SH3RF3: variants seen among roughly 807,000 people sequenced by gnomAD.
SH3RF3 encodes E3 ubiquitin-protein ligase SH3RF3.
In SH3RF3, 29 loss-of-function variants were observed where a neutral mutation model predicts 66.3. That is an observed-to-expected ratio of 0.44 (90% CI 0.33 to 0.60). SH3RF3 has a LOEUF of 0.60. Among genes scored for constraint, SH3RF3 ranks in the 20% least tolerant of loss-of-function variants. The pLI, the probability that SH3RF3 is intolerant of heterozygous loss-of-function variation, is 0.04. For missense variants in SH3RF3, 1,194 were observed against 1,190.9 expected (o/e 1.00, Z -0.04); for synonymous variants, 583 against 532.0 (o/e 1.10, Z -1.32).
intron 3 of SH3RF3, among the ~76,000 whole-genome samples, chr2:109,392,358 G>C (rs1056888944): frequency 6.6e-6 from 1 of 152,182 alleles, no homozygotes; most frequent in Non-Finnish European, 1.5e-5. Context: ...GTGTAACTTG[G>C]AACAGGTCAC....
At chr2:109,462,257 T>G (rs1008558341) in intron 8 of SH3RF3, among the ~76,000 whole-genome samples, 5 of 151,178 alleles carry the variant, frequency 3.3e-5, no homozygotes, top group African/African-American at 1.2e-4. Context: ...AGTTGGAGAA[T>G]TGATCTACCC....
chr2:109,424,384 G>C (rs1322837595), intron 5 of SH3RF3, among the ~76,000 whole-genome samples: 1 of 152,228 alleles, frequency 6.6e-6, no homozygotes, highest in African/African-American at 2.4e-5. Flanking sequence ...CCTGGACCCT[G>C]TCCAGTGGTG....
At chr2:109,476,793 G>GT (rs576014129) in intron 8 of SH3RF3, among the ~76,000 whole-genome samples, 102 of 152,252 alleles carry the variant, frequency 6.7e-4, no homozygotes, top group African/African-American at 2.4e-3. Flanking sequence ...CTTTTTTATG[G>GT]TTGTTTCTTG....
At chr2:109,271,894 A>G (rs966648317) in intron 1 of SH3RF3, among the ~76,000 whole-genome samples, 1 of 152,250 alleles carries the variant, frequency 6.6e-6, no homozygotes, top group Admixed American at 6.5e-5. Context: ...CAGAATTGAG[A>G]TTCTAACCGC....
chr2:109,245,320 TC>T (rs1459657326), intron 1 of SH3RF3, among the ~76,000 whole-genome samples: 1 of 152,044 alleles, frequency 6.6e-6, no homozygotes, highest in Non-Finnish European at 1.5e-5. Context: ...CTGTGGTCAT[TC>T]CCTCTGTCCC....
intron 1 of SH3RF3, among the ~76,000 whole-genome samples, chr2:109,170,311 T>TCTCTC (rs796233917): frequency 7.8e-4 from 100 of 128,454 alleles, no homozygotes; most frequent in Non-Finnish European, 1.1e-3. Flanking sequence ...TCTCTTCTCT[T>TCTCTC]CTCTCCTCTC....
intron 2 of SH3RF3, among the ~76,000 whole-genome samples, chr2:109,365,122 T>C (rs1683130577): frequency 1.3e-5 from 2 of 152,332 alleles, no homozygotes; most frequent in East Asian, 1.9e-4. Flanking sequence ...TTATCCTGTA[T>C]GTGGATCTTA....
intron 2 of SH3RF3, among the ~76,000 whole-genome samples, chr2:109,360,230 T>C (rs1342790175): frequency 1.3e-5 from 2 of 152,218 alleles, no homozygotes; most frequent in Non-Finnish European, 2.9e-5. Context: ...GTAATTTTTT[T>C]CACTGTATTA....
At chr2:109,363,287 A>C (rs1375562087) in intron 2 of SH3RF3, among the ~76,000 whole-genome samples, 2 of 152,054 alleles carry the variant, frequency 1.3e-5, no homozygotes, top group African/African-American at 4.8e-5. Flanking sequence ...TTTACAATGA[A>C]TTCAAGCCCA....
At chr2:109,221,958 T>C (rs1679254603) in intron 1 of SH3RF3, among the ~76,000 whole-genome samples, 1 of 150,064 alleles carries the variant, frequency 6.7e-6, no homozygotes, top group Non-Finnish European at 1.5e-5. Flanking sequence ...TCAGCCCAAG[T>C]GTCCATCAAC....
intron 1 of SH3RF3, among the ~76,000 whole-genome samples, chr2:109,263,174 C>T (rs954671016): frequency 6.6e-6 from 1 of 152,186 alleles, no homozygotes; most frequent in Non-Finnish European, 1.5e-5. Flanking sequence ...GAGTTAAGAA[C>T]GGCAGAGACA....
At chr2:109,386,099 C>A (rs150577046) in intron 3 of SH3RF3, among the ~76,000 whole-genome samples, 1 of 152,306 alleles carries the variant, frequency 6.6e-6, no homozygotes, top group African/African-American at 2.4e-5. Context: ...TAGATTGGAT[C>A]TGGAAGCTAA....
chr2:109,266,657 G>A (rs1235641330), intron 1 of SH3RF3, among the ~76,000 whole-genome samples: 2 of 151,898 alleles, frequency 1.3e-5, no homozygotes, highest in Non-Finnish European at 2.9e-5. Context: ...TCAGCACAAA[G>A]GGCAGCTCAG....
chr2:109,174,926 T>C (rs1677882484), intron 1 of SH3RF3, among the ~76,000 whole-genome samples: 2 of 152,248 alleles, frequency 1.3e-5, no homozygotes, highest in East Asian at 1.9e-4. Flanking sequence ...TGTCATCTAA[T>C]GGGGAGAGTC....
intron 1 of SH3RF3, among the ~76,000 whole-genome samples, chr2:109,228,208 G>T (rs1390447022): frequency 1.3e-5 from 2 of 152,096 alleles, no homozygotes; most frequent in Non-Finnish European, 2.9e-5. Context: ...AATTCAATCG[G>T]CAGCCCTCCT....
chr2:109,415,666 A>G (rs78909019), intron 4 of SH3RF3, among the ~76,000 whole-genome samples: 10,849 of 152,156 alleles, frequency 0.071, 553 homozygotes, highest in East Asian at 0.3. Flanking sequence ...GAAGACCAGA[A>G]CACTCTCAGG....
At chr2:109,178,441 A>G (rs941931925) in intron 1 of SH3RF3, among the ~76,000 whole-genome samples, 2 of 152,112 alleles carry the variant, frequency 1.3e-5, no homozygotes, top group African/African-American at 4.8e-5. Context: ...TGAGCTCTAG[A>G]TGGTCTCCTG....
At chr2:109,459,172 A>C (rs1678147187) in intron 8 of SH3RF3, among the ~76,000 whole-genome samples, 1 of 152,162 alleles carries the variant, frequency 6.6e-6, no homozygotes, top group Admixed American at 6.5e-5. Flanking sequence ...ATATAAAGTC[A>C]GTGCAACTTA....
intron 1 of SH3RF3, among the ~76,000 whole-genome samples, chr2:109,170,304 CTTCTCT>C (rs1677744859): frequency 1.7e-5 from 2 of 117,012 alleles, no homozygotes; most frequent in African/African-American, 6.5e-5. Flanking sequence ...CTTCTCTTCT[CTTCTCT>C]TCTCTCCTCT....
Sources: allele counts gnomAD v4.1 joint callset (sites outside exome capture counted in the v4.1 genomes callset), GRCh38; gene constraint gnomAD v4.1.1; transcripts MANE v1.5; gene names NCBI Gene and HGNC (gene_info 2026-07-23, HGNC 2026-07-21).